COL21A1: variants seen among roughly 807,000 people sequenced by gnomAD.
The protein encoded by COL21A1 is collagen type XXI alpha 1 chain, also known as collagen alpha-1(XXI) chain.
A neutral mutation model predicts 137.9 loss-of-function variants in COL21A1; 149 were observed. The ratio of observed to expected loss-of-function variants is 1.08; its 90% confidence interval spans 0.95 to 1.24. The LOEUF is 1.24. Among genes scored for constraint, COL21A1 ranks in the 50% most tolerant of loss-of-function variants. The pLI, the probability that COL21A1 is intolerant of heterozygous loss-of-function variation, is 0.00. For synonymous variants in COL21A1, 456 were observed against 391.5 expected (o/e 1.16, Z -1.95); for missense variants, 1,167 against 1,158.4 (o/e 1.01, Z -0.11).
At chr6:56,183,106 T>A (rs1778023162) in intron 1 of COL21A1, among the ~76,000 whole-genome samples, 1 of 152,238 alleles carries the variant, frequency 6.6e-6, no homozygotes, top group African/African-American at 2.4e-5. Flanking sequence ...AAATAAGATG[T>A]AATTGTAAAC....
At chr6:56,215,063 C>A (rs978143015) in intron 1 of COL21A1, among the ~76,000 whole-genome samples, 71 of 151,740 alleles carry the variant, frequency 4.7e-4, no homozygotes, top group African/African-American at 1.6e-3. Flanking sequence ...ATGTTATATA[C>A]GTGTGGCAGG....
intron 1 of COL21A1, among the ~76,000 whole-genome samples, chr6:56,355,510 CT>C (rs1160299321): frequency 6.6e-6 from 1 of 152,164 alleles, no homozygotes; most frequent in Non-Finnish European, 1.5e-5. Flanking sequence ...TATTTGAATC[CT>C]GCCTCCAAAA....
At chr6:56,391,569 C>A (rs1405504904) in intron 1 of COL21A1, among the ~76,000 whole-genome samples, 1 of 151,502 alleles carries the variant, frequency 6.6e-6, no homozygotes, top group Admixed American at 6.6e-5. Context: ...AGAGAGAAGA[C>A]CCAAATAAAT....
chr6:56,206,947 A>T (rs1779835037), intron 1 of COL21A1, among the ~76,000 whole-genome samples: 1 of 151,890 alleles, frequency 6.6e-6, no homozygotes, highest in Non-Finnish European at 1.5e-5. Context: ...CTACTGGGTA[A>T]ATAACAAAAT....
intron 1 of COL21A1, among the ~76,000 whole-genome samples, chr6:56,221,028 T>C (rs1205412763): frequency 6.6e-6 from 1 of 152,150 alleles, no homozygotes; most frequent in Non-Finnish European, 1.5e-5. Context: ...GTAGTTCTTC[T>C]TCATGCATTA....
intron 1 of COL21A1, among the ~76,000 whole-genome samples, chr6:56,298,171 G>C (rs1011390465): frequency 6.6e-6 from 1 of 151,828 alleles, no homozygotes; most frequent in African/African-American, 2.4e-5. Flanking sequence ...AAGGCGCCAA[G>C]TCCAATGGTG....
At chr6:56,123,684 T>G (rs374654366) in intron 16 of COL21A1, among the ~76,000 whole-genome samples, 19 of 152,160 alleles carry the variant, frequency 1.2e-4, no homozygotes, top group African/African-American at 4.6e-4. Context: ...ACTCTAATGC[T>G]CTCATGCCCA....
At chr6:56,119,250 C>A (rs1164744748) in intron 16 of COL21A1, among the ~76,000 whole-genome samples, 2 of 151,940 alleles carry the variant, frequency 1.3e-5, no homozygotes, top group Non-Finnish European at 2.9e-5. Flanking sequence ...AGTCAACATA[C>A]AAAAATCAGT....
chr6:56,059,871 A>C, intron 28 of COL21A1, 147 bp downstream of exon 28: 1 of 563,914 alleles, frequency 1.8e-6, no homozygotes, highest in East Asian at 3.4e-5. Flanking sequence ...TTTCTCTTTA[A>C]TTCAGTTGGC....
At chr6:56,390,663 C>T (rs2094027716) in intron 1 of COL21A1, among the ~76,000 whole-genome samples, 1 of 151,680 alleles carries the variant, frequency 6.6e-6, no homozygotes, top group Admixed American at 6.6e-5. Context: ...TACACTTGTA[C>T]TGTCAGATAA....
In COL21A1 at chr6:56,101,513, A is replaced by T. The variant is rs75605879; in HGVS notation, c.1771T>A (p.Ser591Thr). The change falls in exon 17 of 30, where the codon TCC becomes ACC. Residue 591 changes from serine to threonine, a missense_variant. Ser to Thr is a moderately conservative substitution (Grantham distance 58). Coordinates refer to ENST00000244728, the MANE Select transcript of COL21A1 (RefSeq NM_030820.4). ...GSPGFKGEAG[S>T]PGAPGQDGTR... The stretch of plus-strand genomic sequence containing the variant: ...CCATCCTGCCCCGGAGCACCAGGGG[A>T]TCCTGCTTCTCCCTTTTAATGATTT... The T allele has an allele frequency of 6.3e-7, 1 of 1,591,088 alleles. No individual in the cohort carries two copies. The highest frequency in any genetic ancestry group is 1.1e-5 in the South Asian group (1 of 87,144).
chr6:56,089,631 A>C (rs971310051), intron 17 of COL21A1, among the ~76,000 whole-genome samples: 2 of 152,212 alleles, frequency 1.3e-5, no homozygotes, highest in African/African-American at 4.8e-5. Context: ...CATAAAAGTT[A>C]GACTTGATAT....
At chr6:56,390,577 G>A (rs115221860) in intron 1 of COL21A1, among the ~76,000 whole-genome samples, 2,947 of 146,976 alleles carry the variant, frequency 0.02, 90 homozygotes, top group African/African-American at 0.068. Context: ...AATCTATAAA[G>A]ATACAAACAG....
chr6:56,166,862 G>T, intron 7 of COL21A1, 44 bp downstream of exon 7: 1 of 1,377,562 alleles, frequency 7.3e-7, no homozygotes, highest in Non-Finnish European at 1.0e-6. Context: ...TGCTTTGAAA[G>T]TACTAAAGCA....
chr6:56,139,432 A>T (rs189270402), intron 12 of COL21A1, among the ~76,000 whole-genome samples: 8 of 152,162 alleles, frequency 5.3e-5, no homozygotes, highest in Admixed American at 2.0e-4. Flanking sequence ...TATAATCTAT[A>T]ATCTGTAACT....
intron 16 of COL21A1, among the ~76,000 whole-genome samples, chr6:56,113,999 T>C (rs1017387393): frequency 1.3e-5 from 2 of 152,124 alleles, no homozygotes; most frequent in Non-Finnish European, 2.9e-5. Flanking sequence ...GAGAAAAAAG[T>C]GAGAAGGACT....
intron 17 of COL21A1, chr6:56,091,758 A>T (rs1474042378): frequency 6.6e-6 from 1 of 152,246 alleles, no homozygotes; most frequent in Non-Finnish European, 1.5e-5. Context: ...GCAGCAGTGG[A>T]AACTATTCTG....
chr6:56,349,678 CT>C (rs1765669596), intron 1 of COL21A1, among the ~76,000 whole-genome samples: 1 of 152,206 alleles, frequency 6.6e-6, no homozygotes, highest in Non-Finnish European at 1.5e-5. Flanking sequence ...ACATGCCTGT[CT>C]TTTAAACTAA....
Position 56,331,253 on chromosome 6 carries a change from A to AT in COL21A1, c.-39+62717dup, listed in dbSNP as rs76606883. ...TTTTCTTCCATTCTGCAGGTTGTCT[A>AT]TTTTTTTTTTCTGTGTAGAAGCTTT... On this transcript the variant is annotated intron_variant, in intron 1 of 28. Coordinates refer to the COL21A1 transcript ENST00000370819. Among the ~76,000 whole-genome samples, 307 of 140,234 alleles carry AT rather than the reference A, an allele frequency of 2.2e-3. No individual in the cohort carries two copies. In the Middle Eastern group the frequency reaches 0.026, roughly 12 times the overall value. 92.0% of individuals were successfully genotyped at this position (140,234 alleles called of 152,430 possible).
Sources: gnomAD v4.1 joint callset for allele counts (sites outside exome capture counted in the v4.1 genomes callset) on GRCh38, gnomAD v4.1.1 for gene constraint, MANE v1.5 for transcripts, NCBI Gene and HGNC (gene_info 2026-07-23, HGNC 2026-07-21) for gene names.